CPXM2: variants seen among roughly 807,000 people sequenced by gnomAD.
CPXM2 encodes the protein carboxypeptidase X, M14 family member 2.
Under a neutral mutation model 86.1 loss-of-function variants are expected in CPXM2, and 66 were observed. The observed-to-expected ratio is 0.77, with a 90% CI of 0.63 to 0.94. CPXM2 has a LOEUF of 0.94. Ranked by LOEUF, CPXM2 falls within the 40% of genes least tolerant of loss-of-function variation. CPXM2 has a pLI of 0.00. For missense variants in CPXM2, 948 were observed against 1,026.3 expected (o/e 0.92, Z 1.04); for synonymous variants, 388 against 400.2 (o/e 0.97, Z 0.36).
intron 3 of CPXM2, among the ~76,000 whole-genome samples, chr10:123,855,522 C>G (rs1269316625): frequency 6.6e-6 from 1 of 152,166 alleles, no homozygotes; most frequent in African/African-American, 2.4e-5. Context: ...GACTTCCTGC[C>G]AGGAGAAATG....
At chr10:123,861,278 G>C (rs1447324028) in intron 3 of CPXM2, among the ~76,000 whole-genome samples, 1 of 152,148 alleles carries the variant, frequency 6.6e-6, no homozygotes, top group African/African-American at 2.4e-5. Flanking sequence ...AAGGGGCTTG[G>C]AAACTACTCC....
intron 8 of CPXM2, among the ~76,000 whole-genome samples, chr10:123,770,620 C>G (rs543492795): frequency 1.3e-5 from 2 of 152,246 alleles, no homozygotes; most frequent in African/African-American, 4.8e-5. Context: ...CTGCCCACCT[C>G]AGCCACTTTC....
intron 1 of CPXM2, among the ~76,000 whole-genome samples, chr10:123,880,722 G>C (rs1008969230): frequency 2.0e-5 from 3 of 151,234 alleles, no homozygotes; most frequent in Admixed American, 6.6e-5. Flanking sequence ...CCAGCTACTT[G>C]GGAGGCTGAG....
At chr10:123,798,973 C>T in intron 5 of CPXM2, 142 bp downstream of exon 5, 1 of 890,834 alleles carries the variant, frequency 1.1e-6, no homozygotes, top group Admixed American at 2.0e-5. Context: ...GGGAAAGGGT[C>T]TCTGTCCATC....
chr10:123,774,233 G>C (rs550295204), intron 7 of CPXM2, among the ~76,000 whole-genome samples: 128 of 152,320 alleles, frequency 8.4e-4, no homozygotes, highest in African/African-American at 2.9e-3. Flanking sequence ...GAGGCCCGTG[G>C]CCTTCTGAAA....
At chr10:123,919,864 G>T (rs1945567089) in intron 2 of CPXM2, among the ~76,000 whole-genome samples, 1 of 152,200 alleles carries the variant, frequency 6.6e-6, no homozygotes, top group African/African-American at 2.4e-5. Flanking sequence ...TGAAAAGGAG[G>T]CAGGGTGGGG....
At chr10:123,794,361 G>A (rs1280158695) in intron 6 of CPXM2, among the ~76,000 whole-genome samples, 2 of 152,218 alleles carry the variant, frequency 1.3e-5, no homozygotes, top group African/African-American at 4.8e-5. Flanking sequence ...AGGGGCTCAA[G>A]CACTGCCACC....
At chr10:123,931,326 T>G (rs1307233557) in intron 2 of CPXM2, among the ~76,000 whole-genome samples, 3 of 152,238 alleles carry the variant, frequency 2.0e-5, no homozygotes, top group Non-Finnish European at 4.4e-5. Context: ...ACATTGCTAC[T>G]AGGAAAAGTT....
intron 1 of CPXM2, among the ~76,000 whole-genome samples, chr10:123,886,664 CA>C (rs916113878): frequency 6.6e-6 from 1 of 152,078 alleles, no homozygotes; most frequent in Non-Finnish European, 1.5e-5. Context: ...AACAAAGGAC[CA>C]AGCAGAAACT....
rs1346383540 is a variant in CPXM2 at position 123,780,166 on chromosome 10, C to T, written c.978+1G>A. ...ATGAGGCTTTGTGATCTGGGTCTTACCTGGCGCATTTCCTTATAATTGTGG... is the reference window on the plus strand; with the variant it reads ...ATGAGGCTTTGTGATCTGGGTCTTATCTGGCGCATTTCCTTATAATTGTGG... On this transcript the variant is annotated splice_donor_variant, in intron 7 of 13. Coordinates refer to ENST00000241305, the MANE Select transcript of CPXM2 (RefSeq NM_198148.3). LOFTEE classifies it high-confidence loss of function. 2 of 1,587,964 alleles carry T rather than the reference C, an allele frequency of 1.3e-6. No individual in the cohort carries two copies. The highest frequency in any genetic ancestry group is 1.7e-6 in the Non-Finnish European group (2 of 1,156,304).
intron 4 of CPXM2, among the ~76,000 whole-genome samples, chr10:123,830,161 G>C (rs1848135617): frequency 6.6e-6 from 1 of 152,148 alleles, no homozygotes; most frequent in Non-Finnish European, 1.5e-5. Flanking sequence ...TAACCATATA[G>C]AAATTCAAAA....
intron 2 of CPXM2, among the ~76,000 whole-genome samples, chr10:123,900,446 G>A (rs1350334807): frequency 6.6e-6 from 1 of 152,192 alleles, no homozygotes; most frequent in African/African-American, 2.4e-5. Context: ...AACTCAAAAG[G>A]CTAACTACAT....
intron 7 of CPXM2, among the ~76,000 whole-genome samples, chr10:123,773,669 A>G (rs1359783061): frequency 2.0e-5 from 3 of 152,216 alleles, no homozygotes; most frequent in Non-Finnish European, 4.4e-5. Flanking sequence ...GAGGCATGCA[A>G]TGACCCAGTT....
At chr10:123,926,843 A>C (rs947346360) in intron 2 of CPXM2, among the ~76,000 whole-genome samples, 1 of 152,236 alleles carries the variant, frequency 6.6e-6, no homozygotes, top group Non-Finnish European at 1.5e-5. Flanking sequence ...CCTGTACTGC[A>C]TGGCTCCAGA....
intron 3 of CPXM2, among the ~76,000 whole-genome samples, chr10:123,857,549 AGGCGGCGTGG>A (rs1441160054): frequency 1.5e-5 from 2 of 136,630 alleles, no homozygotes; most frequent in Non-Finnish European, 3.2e-5. Flanking sequence ...CAGCGATGGA[AGGCGGCGTGG>A]AGATGGAAGG....
At chr10:123,941,330 G>A (rs188551602), upstream of CPXM2, among the ~76,000 whole-genome samples, 13 of 152,314 alleles carry the variant, frequency 8.5e-5, no homozygotes, top group African/African-American at 3.1e-4. Context: ...GCCTCTGCTG[G>A]TTGCCAGCTT....
At chr10:123,845,066 C>CA (rs61013140) in intron 3 of CPXM2, among the ~76,000 whole-genome samples, 3,906 of 89,902 alleles carry the variant, frequency 0.043, 68 homozygotes, top group Middle Eastern at 0.081. Context: ...GACTCAGTCT[C>CA]AAAAAAAAAA....
rs1945167790 is a variant in CPXM2, at chr10:123,885,588, G to C, written c.305-5279C>G. ...ACCATCCTATGATGCCCAACGAGTA[G>C]CCAGCTGGCTGCCAGCCAGATGTGG... is the stretch of plus-strand genomic sequence containing the variant. On this transcript the variant is annotated intron_variant, in intron 1 of 13. Transcript: ENST00000241305. The surrounding 1 kb of genome is among the most constrained non-coding windows in gnomAD (Gnocchi z 4.0). Among the ~76,000 whole-genome samples, 1 of 152,214 alleles carries C rather than the reference G, an allele frequency of 6.6e-6. No homozygotes were observed. Among genetic ancestry groups the C allele is most frequent in the South Asian group, 2.1e-4 (1 of 4,832 alleles).
rs201876787 is a variant in CPXM2, at chr10:123,761,915, C to T, written c.1734G>A (p.Glu578=). The change falls in exon 11 of 14, where the codon GAG becomes GAA. Residue 578 remains glutamate (E), a synonymous_variant. Coordinates refer to ENST00000241305, the MANE Select transcript of CPXM2 (RefSeq NM_198148.3). ...AGGAGGCCCCATTGACAGTGCCCTC[C>T]TCCTTCTGGAAGTCCTCCGTGTGGC... ...RVCHTEDFQK[E]EGTVNGASWH... 2.2e-5 allele frequency: 36 copies of T among 1,613,914 alleles called. No homozygotes were observed. In the East Asian group the frequency reaches 7.8e-4, roughly 35 times the overall value.
Sources: gnomAD v4.1 joint callset for allele counts (sites outside exome capture counted in the v4.1 genomes callset) on GRCh38, gnomAD v4.1.1 for gene constraint, Gnocchi (gnomAD v3.1) non-coding constraint, MANE v1.5 for transcripts, NCBI Gene and HGNC (gene_info 2026-07-23, HGNC 2026-07-21) for gene names.